Variants in ORC3 observed in about 807,000 individuals in gnomAD.
ORC3 encodes origin recognition complex subunit 3.
Under a neutral mutation model 100.7 loss-of-function variants are expected in ORC3, and 78 were observed. The observed-to-expected ratio is 0.77, with a 90% CI of 0.65 to 0.94. The LOEUF is 0.94. Among genes scored for constraint, ORC3 ranks in the 40% least tolerant of loss-of-function variants. The pLI, the probability that ORC3 is intolerant of heterozygous loss-of-function variation, is 0.00. For synonymous variants in ORC3, 295 were observed against 289.3 expected (o/e 1.02, Z -0.20); for missense variants, 789 against 823.9 (o/e 0.96, Z 0.52).
chr6:87,610,684 G>T (rs567975535), intron 7 of ORC3, among the ~76,000 whole-genome samples: 1 of 147,410 alleles, frequency 6.8e-6, no homozygotes, highest in East Asian at 1.9e-4. Flanking sequence ...CTCCCGAGTA[G>T]CTGGGACTAC....
At chr6:87,609,683 C>T (rs1225999754) in intron 7 of ORC3, among the ~76,000 whole-genome samples, 3 of 151,896 alleles carry the variant, frequency 2.0e-5, no homozygotes, top group African/African-American at 7.3e-5. Context: ...TCCTGAGTAG[C>T]TGGGATTACA....
chr6:87,636,005 C>T (rs1031887257), intron 12 of ORC3, among the ~76,000 whole-genome samples: 6 of 147,834 alleles, frequency 4.1e-5, no homozygotes, highest in African/African-American at 1.5e-4. Flanking sequence ...AGTGCAGTGG[C>T]GCAATCTCGG....
At chr6:87,670,319 C>T (rs191964656), downstream of ORC3, among the ~76,000 whole-genome samples, 103 of 152,246 alleles carry the variant, frequency 6.8e-4, no homozygotes, top group Middle Eastern at 0.01. Context: ...GTGTGTGCCA[C>T]CACGCCCAGC....
chr6:87,662,386 T>C (rs756044610), intron 16 of ORC3, among the ~76,000 whole-genome samples: 8 of 152,000 alleles, frequency 5.3e-5, no homozygotes, highest in Non-Finnish European at 7.4e-5. Flanking sequence ...GAGCCGAGAT[T>C]GCACCACTGC....
At chr6:87,655,041 A>T (rs1369936030) in intron 14 of ORC3, among the ~76,000 whole-genome samples, 1 of 152,124 alleles carries the variant, frequency 6.6e-6, no homozygotes, top group Non-Finnish European at 1.5e-5. Context: ...GTGACTCATT[A>T]TTAATAATAA....
the ORC3 span, among the ~76,000 whole-genome samples, chr6:87,677,080 GA>G: frequency 9.7e-3 from 1,095 of 112,628 alleles, 9 homozygotes; most frequent in African/African-American, 0.024. Context: ...TCCGTCTCAG[GA>G]AAAAAAAAAA....
intron 5 of ORC3, among the ~76,000 whole-genome samples, chr6:87,606,541 T>A (rs966405380): frequency 1.3e-5 from 2 of 152,136 alleles, no homozygotes; most frequent in Non-Finnish European, 1.5e-5. Context: ...TTTTTTTTTT[T>A]TTCTTTTGAG....
chr6:87,619,626 G>A (rs1019238693), intron 9 of ORC3, among the ~76,000 whole-genome samples: 1 of 151,996 alleles, frequency 6.6e-6, no homozygotes, highest in East Asian at 1.9e-4. Context: ...GGCTGGTCTC[G>A]AACTTCTGAC....
intron 16 of ORC3, among the ~76,000 whole-genome samples, chr6:87,659,699 T>C (rs1181839721): frequency 6.6e-6 from 1 of 151,798 alleles, no homozygotes; most frequent in Non-Finnish European, 1.5e-5. Flanking sequence ...CTGACCATCA[T>C]GGTGAAACCC....
intron 16 of ORC3, among the ~76,000 whole-genome samples, chr6:87,658,439 G>A (rs914832410): frequency 6.0e-5 from 9 of 149,934 alleles, no homozygotes; most frequent in South Asian, 2.1e-4. Context: ...CCTGGGCAAC[G>A]GTGCAAGACT....
rs1201363568 is a variant in ORC3 at position 87,636,424 on chromosome 6, T to C, written c.1320T>C (p.Cys440=). 1 of 1,607,460 alleles carries C rather than the reference T, an allele frequency of 6.2e-7. No homozygotes were observed. The highest frequency in any genetic ancestry group is 1.3e-5 in the African/African-American group (1 of 74,900). ...PLGRQIRELY[C]TCLEKNIWDS... is the part of the protein sequence containing the mutation. ...CCTTACAGATCAGAGAGTTGTACTG[T>C]ACATGTTTAGAAAAGAACATATGGG... Residue 440 remains cysteine, a synonymous_variant, in exon 13 of 20, where the codon TGT becomes TGC. Transcript: ENST00000392844.
intron 17 of ORC3, 95 bp from the exon 18 acceptor site, chr6:87,664,648 G>A (rs1770457429): frequency 8.9e-6 from 8 of 899,356 alleles, no homozygotes; most frequent in South Asian, 1.4e-5. Flanking sequence ...CCATTTACTG[G>A]TTTACTCAGT....
chr6:87,670,809 TAAAAC>T (rs1173730564), downstream of ORC3, among the ~76,000 whole-genome samples: 1 of 152,112 alleles, frequency 6.6e-6, no homozygotes. Context: ...GCACAGGAAG[TAAAAC>T]AAAGAAAGCA....
At chr6:87,597,207 C>G (rs1265814738) in intron 2 of ORC3, among the ~76,000 whole-genome samples, 1 of 152,048 alleles carries the variant, frequency 6.6e-6, no homozygotes, top group African/African-American at 2.4e-5. Flanking sequence ...AACCACATAG[C>G]CTGAAACGAA....
intron 11 of ORC3, among the ~76,000 whole-genome samples, chr6:87,625,790 A>C (rs1779857036): frequency 6.6e-6 from 1 of 152,132 alleles, no homozygotes; most frequent in African/African-American, 2.4e-5. Flanking sequence ...GGTATTGCTT[A>C]GGTTTTCTTC....
the ORC3 span, chr6:87,677,774 A>G: frequency 6.3e-7 from 1 of 1,584,366 alleles, no homozygotes; most frequent in Admixed American, 1.7e-5. Context: ...AATGCATTTC[A>G]CACAACTGAG....
Position 87,665,656 on chromosome 6 carries a change from A to G in ORC3, c.1951-98A>G. 7.3e-6 allele frequency: 5 copies of G among 687,592 alleles called. 1 individual carries two copies. The South Asian group carries it at 8.4e-5, about 12-fold the overall frequency. The allele number at this position is 687,592 out of a possible 1,614,324, so 42.6% of individuals were successfully genotyped here. A position where few individuals can be genotyped will look rare whatever the true frequency, so the allele number is the denominator to read the frequency against. ...AATCTTAAATTTGATATAATGAAGA[A>G]TATGTGCCAGCTATCAACAGCCATT... On this transcript the variant is annotated intron_variant, in intron 18 of 19. Transcript: ENST00000392844.
At chr6:87,662,488 T>C (rs929235729) in intron 16 of ORC3, among the ~76,000 whole-genome samples, 1 of 152,146 alleles carries the variant, frequency 6.6e-6, no homozygotes, top group African/African-American at 2.4e-5. Context: ...GTCATTTCCA[T>C]GAAAGATATC....
rs565099388 is a variant in ORC3 at position 87,664,299 on chromosome 6, C to T, written c.1834-444C>T. On this transcript the variant is annotated intron_variant, in intron 17 of 19. Coordinates refer to ENST00000392844, the MANE Select transcript of ORC3 (RefSeq NM_012381.4). ...GGCTTAAGGTCTGCAGTGTTGACAA[C>T]GTAGTCTTTTCTTTAAAAGAAATTT... 3.9e-5 allele frequency among the ~76,000 whole-genome samples: 6 copies of T among 152,076 alleles called. No homozygotes were observed. In the South Asian group the frequency reaches 1.0e-3, roughly 26 times the overall value.
Sources: allele counts gnomAD v4.1 joint callset (sites outside exome capture counted in the v4.1 genomes callset), GRCh38; gene constraint gnomAD v4.1.1; transcripts MANE v1.5; gene names NCBI Gene and HGNC (gene_info 2026-07-23, HGNC 2026-07-21).